Variants in KLK1 observed in about 807,000 individuals in gnomAD.
KLK1 encodes the protein kallikrein 1, also known as kallikrein-1.
A neutral mutation model predicts 23.3 loss-of-function variants in KLK1; 22 were observed. The observed-to-expected ratio is 0.95, with a 90% CI of 0.68 to 1.35. KLK1 has a LOEUF of 1.35. Among genes scored for constraint, KLK1 ranks in the 40% most tolerant of loss-of-function variants. The pLI is 0.00. For missense variants in KLK1, 301 were observed against 338.9 expected, an observed-to-expected ratio of 0.89 and a Z score of 0.88; for synonymous variants, 140 against 135.8, an observed-to-expected ratio of 1.03 and a Z score of -0.21.
Position 50,821,867 on chromosome 19 carries a change from A to G in KLK1, c.51T>C (p.Ala17=), listed in dbSNP as rs1020032435. 3 of 1,607,944 alleles carry G rather than the reference A, an allele frequency of 1.9e-6. No homozygotes were observed. The Admixed American group carries it at 5.0e-5, about 27-fold the overall frequency. The change falls in exon 2 of 5, where the codon GCT becomes GCC. Residue 17 remains alanine (A), a synonymous_variant. Transcript: ENST00000301420. This position sits in a 1 kb window ranked among gnomAD's most constrained non-coding sequence, Gnocchi z 5.6. ...CAATCCGGGACTGAATCGGGGGCGC[A>G]GCACCTGCAGAGGCGGTGCTGGGTC... ...CLALSLGGTG[A]APPIQSRIVG...
At chr19:50,822,216 A>T in intron 1 of KLK1, 1 of 1,028,186 alleles carries the variant, frequency 9.7e-7, no homozygotes, top group Non-Finnish European at 1.2e-6. Context: ...GTGGTGGGTT[A>T]GGGGAGTGGA....
In KLK1 at chr19:50,821,898, GGGCAGGGTT is replaced by G. The variant is rs2089831006; in HGVS notation, c.47-36_47-28del. 2 of 1,587,000 alleles carry G rather than the reference GGGCAGGGTT, an allele frequency of 1.3e-6. No individual in the cohort carries two copies. Among genetic ancestry groups the G allele is most frequent in the Middle Eastern group, 1.8e-4 (1 of 5,632 alleles). On this transcript the variant is annotated intron_variant, in intron 1 of 4. Coordinates refer to ENST00000301420, the MANE Select transcript of KLK1 (RefSeq NM_002257.4). This position sits in a 1 kb window ranked among gnomAD's most constrained non-coding sequence, Gnocchi z 5.6. ...TGCAGAGGCGGTGCTGGGTCAGGAA[GGGCAGGGTT>G]GGCAGGAGAGGCCAGGGACAAGGCT...
chr19:50,819,241 G>A lies in KLK1; in HGVS notation c.742C>T (p.Leu248=), dbSNP rs745869493. ...TCCTCGATCCACTTCACATAAGACA[G>A]CACTCTGACGGCGACAGAAGGCTTA... ...PNKPSVAVRV[L]SYVKWIEDTI... Residue 248 remains leucine (L), a synonymous_variant, in exon 5 of 5, where the codon CTG becomes TTG. Transcript: ENST00000301420. 3.1e-6 allele frequency: 5 copies of A among 1,614,190 alleles called. No homozygotes were observed. The highest frequency in any genetic ancestry group is 2.2e-5 in the East Asian group (1 of 44,886).
At chr19:50,823,597 G>C (rs1268084577) in intron 1 of KLK1, 106 bp downstream of exon 1, 5 of 703,460 alleles carry the variant, frequency 7.1e-6, no homozygotes, top group Non-Finnish European at 1.2e-5. Context: ...GTGGGCCAGA[G>C]GGATGAGGGT....
rs1191935139 is a variant in KLK1, at chr19:50,821,277, A to G, written c.206+435T>C. Among the ~76,000 whole-genome samples the G allele has an allele frequency of 6.6e-6, 1 of 151,924 alleles. No individual in the cohort carries two copies. Among genetic ancestry groups the G allele is most frequent in the Admixed American group, 6.6e-5 (1 of 15,256 alleles). On this transcript the variant is annotated intron_variant, in intron 2 of 4. Transcript: ENST00000301420. This position sits in a 1 kb window ranked among gnomAD's most constrained non-coding sequence, Gnocchi z 5.6. The stretch of plus-strand genomic sequence containing the variant: ...AAGTTGGGGATAAAGCCCTTCCTTT[A>G]CTCTGGGGCCTCCCTTAGGTCCATC...
chr19:50,819,942 ATGAAGTC>A lies in KLK1; in HGVS notation c.583_589del (p.Asp195CysfsTer22). The A allele has an allele frequency of 6.2e-7, 1 of 1,614,170 alleles. No individual in the cohort carries two copies. The highest frequency in any genetic ancestry group is 8.5e-7 in the Non-Finnish European group (1 of 1,179,982). ...ACCTTCCAGGTGTCCGACACACAGCATGAAGTCTGTCACCTTCTGGACGTGGGCTTTT... is the reference window on the plus strand; with the variant it reads ...ACCTTCCAGGTGTCCGACACACAGCATGTCACCTTCTGGACGTGGGCTTTT... On this transcript the variant is annotated frameshift_variant, in exon 4 of 5. Transcript: ENST00000301420. LOFTEE classifies it low-confidence loss of function (END_TRUNC).
rs774853316 is a variant in KLK1, at chr19:50,819,257, A to G, written c.726T>C (p.Ser242=). 2 of 1,614,214 alleles carry G rather than the reference A, an allele frequency of 1.2e-6. No homozygotes were observed. Among genetic ancestry groups the G allele is most frequent in the African/African-American group, 1.3e-5 (1 of 75,066 alleles). The change falls in exon 5 of 5, where the codon TCT becomes TCC. Residue 242 remains serine, a synonymous_variant. Coordinates refer to ENST00000301420, the MANE Select transcript of KLK1 (RefSeq NM_002257.4). ...YVPCGTPNKP[S]VAVRVLSYVK... is the part of the protein sequence containing the mutation. ...CATAAGACAGCACTCTGACGGCGAC[A>G]GAAGGCTTATTGGGGGTGCCACAAG...
chr19:50,822,900 G>A (rs982425152), intron 1 of KLK1: 43 of 985,128 alleles, frequency 4.4e-5, no homozygotes, highest in Non-Finnish European at 5.2e-5. Context: ...GGGCAGAAGC[G>A]CTGGCTGAGA....
In KLK1 at chr19:50,821,274, T is replaced by C. The variant is rs1458799759; in HGVS notation, c.206+438A>G. 6.6e-6 allele frequency among the ~76,000 whole-genome samples: 1 copy of C among 152,100 alleles called. No individual in the cohort carries two copies. The highest frequency in any genetic ancestry group is 1.9e-4 in the East Asian group (1 of 5,180). ...CACAAGTTGGGGATAAAGCCCTTCC[T>C]TTACTCTGGGGCCTCCCTTAGGTCC... On this transcript the variant is annotated intron_variant, in intron 2 of 4. Transcript: ENST00000301420. The surrounding 1 kb of genome is among the most constrained non-coding windows in gnomAD (Gnocchi z 5.6).
intron 4 of KLK1, 60 bp downstream of exon 4, chr19:50,819,839 G>A: frequency 6.4e-7 from 1 of 1,562,044 alleles, no homozygotes; most frequent in South Asian, 1.2e-5. Flanking sequence ...TCAGAAGCCA[G>A]TTCAGAGGCT....
intron 4 of KLK1, 41 bp downstream of exon 4, chr19:50,819,858 T>A: frequency 6.3e-7 from 1 of 1,596,062 alleles, no homozygotes; most frequent in Non-Finnish European, 8.5e-7. Flanking sequence ...CTGAGTCCCC[T>A]CCCTCAGCCC....
Position 50,820,155 on chromosome 19 carries a change from A to G in KLK1, c.495T>C (p.Asn165=), listed in dbSNP as rs753784178. ...GCTACACAGTCTGCCCCCACATACA[A>G]TTCTCTGGTTCGATGCTGCCCCAGC... The part of the protein sequence containing the change: ...ASGWGSIEPE[N]FSFPDDLQCV... Residue 165 remains asparagine, a splice_region_variant and synonymous_variant, in exon 3 of 5, where the codon AAT becomes AAC. Transcript: ENST00000301420. 6.9e-6 allele frequency: 11 copies of G among 1,599,222 alleles called. No homozygotes were observed. In the South Asian group the frequency reaches 1.1e-4, roughly 16 times the overall value.
intron 1 of KLK1, chr19:50,822,658 G>A (rs2089835057): frequency 1.0e-6 from 1 of 973,814 alleles, no homozygotes. Context: ...CAGGAGGAGG[G>A]AGGCGTGAGT....
At chr19:50,820,508 G>A (rs2089820558) in intron 2 of KLK1, 65 bp from the exon 3 acceptor site, 9 of 595,484 alleles carry the variant, frequency 1.5e-5, no homozygotes, top group Admixed American at 2.9e-5. Flanking sequence ...GGGCAGGGGA[G>A]CATGGGGGAG....
At chr19:50,820,697 C>A in intron 2 of KLK1, 1 of 348,816 alleles carries the variant, frequency 2.9e-6, no homozygotes, top group Non-Finnish European at 5.2e-6. Context: ...GTGAAAAAGG[C>A]GGAGGGGAGG....
chr19:50,823,095 C>CCA (rs1007314144), intron 1 of KLK1: 2 of 156,110 alleles, frequency 1.3e-5, no homozygotes, highest in African/African-American at 5.1e-5. Context: ...CATTTGCAGA[C>CCA]CCCCCCCCAT....
chr19:50,821,808 G>A lies in KLK1; in HGVS notation c.110C>T (p.Pro37Leu), dbSNP rs752920794. 6 of 1,613,900 alleles carry A rather than the reference G, an allele frequency of 3.7e-6. No individual in the cohort carries two copies. Among genetic ancestry groups the A allele is most frequent in the Admixed American group, 1.7e-5 (1 of 60,018 alleles). Residue 37 changes from proline to leucine, a missense_variant, in exon 2 of 5, where the codon CCC becomes CTC. Coordinates refer to ENST00000301420, the MANE Select transcript of KLK1 (RefSeq NM_002257.4). This position sits in a 1 kb window ranked among gnomAD's most constrained non-coding sequence, Gnocchi z 5.6. ...GGWECEQHSQ[P>L]WQAALYHFST... The stretch of plus-strand genomic sequence containing the variant: ...GAAATGGTACAGAGCCGCCTGCCAG[G>A]GCTGGGAATGCTGCTCACACTCCCA...
At chr19:50,819,601 C>G (rs2089809146) in intron 4 of KLK1, among the ~76,000 whole-genome samples, 1 of 152,184 alleles carries the variant, frequency 6.6e-6, no homozygotes, top group Non-Finnish European at 1.5e-5. Context: ...GGGGCAGGAC[C>G]ATCTGCAGGA....
rs767411565 is a variant in KLK1 at position 50,820,128 on chromosome 19, G to A, written c.496+26C>T. On this transcript the variant is annotated intron_variant, in intron 3 of 4. Transcript: ENST00000301420. ...ACGCAGGAGTCCCCATCCCCGCCTT[G>A]GGCTACACAGTCTGCCCCCACATAC... 7 of 1,600,748 alleles carry A rather than the reference G, an allele frequency of 4.4e-6. No homozygotes were observed. In the African/African-American group the frequency reaches 8.0e-5, roughly 18 times the overall value.
Sources: gnomAD v4.1 joint callset for allele counts (sites outside exome capture counted in the v4.1 genomes callset) on GRCh38, gnomAD v4.1.1 for gene constraint, Gnocchi (gnomAD v3.1) non-coding constraint, MANE v1.5 for transcripts, NCBI Gene and HGNC (gene_info 2026-07-23, HGNC 2026-07-21) for gene names.